Variants in CPA6 observed in about 807,000 individuals in gnomAD.
The protein encoded by CPA6 is carboxypeptidase A6, also known as carboxypeptidase B.
A neutral mutation model predicts 63.3 loss-of-function variants in CPA6; 58 were observed. That is an observed-to-expected ratio of 0.92 (90% CI 0.74 to 1.14). The LOEUF (loss-of-function observed/expected upper bound fraction) is 1.14, where lower values mean the gene tolerates loss of function less well. CPA6 is among the 50% of genes most tolerant of loss of function. The probability of loss-of-function intolerance (pLI) is 0.00; values close to 1 mark genes in which losing one functional copy is unlikely to be tolerated. For synonymous variants in CPA6, 185 were observed against 179.0 expected (o/e 1.03, Z -0.27); for missense variants, 565 against 526.6 (o/e 1.07, Z -0.71).
In CPA6 at chr8:67,555,866, A is replaced by G. The variant is rs148430571; in HGVS notation, c.193-37819T>C. On this transcript the variant is annotated intron_variant, in intron 2 of 10. Transcript: ENST00000297770. Reference sequence around the variant, plus strand: ...TGTCAGGAAAAACCATACGCATATTATATTACATTCACCCATTTTTCTGTG... The same window carrying G: ...TGTCAGGAAAAACCATACGCATATTGTATTACATTCACCCATTTTTCTGTG... Among the ~76,000 whole-genome samples the G allele has an allele frequency of 6.5e-3, 983 of 152,316 alleles. 10 individuals are homozygous for G. The highest frequency in any genetic ancestry group is 0.022 in the African/African-American group (933 of 41,568).
intron 1 of CPA6, among the ~76,000 whole-genome samples, chr8:67,711,950 C>T (rs979608629): frequency 2.0e-5 from 3 of 152,120 alleles, no homozygotes; most frequent in Admixed American, 1.3e-4. Context: ...CTTTGAGGTC[C>T]AAGCCGATCT....
At chr8:67,635,828 C>A (rs1815456592) in intron 1 of CPA6, among the ~76,000 whole-genome samples, 9 of 151,640 alleles carry the variant, frequency 5.9e-5, no homozygotes, top group Admixed American at 3.3e-4. Context: ...TTGGTATAAG[C>A]CACACATGTT....
At chr8:67,429,029 A>G (rs1809959007) in intron 9 of CPA6, among the ~76,000 whole-genome samples, 1 of 152,066 alleles carries the variant, frequency 6.6e-6, no homozygotes, top group Non-Finnish European at 1.5e-5. Context: ...CAATTAAGAA[A>G]CCCCTTAATT....
chr8:67,637,322 G>T lies in CPA6; in HGVS notation c.117-13071C>A, dbSNP rs1159489754. On this transcript the variant is annotated intron_variant, in intron 1 of 10. Transcript: ENST00000297770. ...TGCCTGAAATGGGCTTCCATTATAT[G>T]CTTTGAGAATTTCTTCTCCCATTAG... Among the ~76,000 whole-genome samples, 5 of 151,588 alleles carry T rather than the reference G, an allele frequency of 3.3e-5. 1 individual carries two copies. The highest frequency in any genetic ancestry group is 1.2e-4 in the African/African-American group (5 of 40,898).
At chr8:67,478,066 G>A (rs1021753971) in intron 8 of CPA6, among the ~76,000 whole-genome samples, 2 of 152,176 alleles carry the variant, frequency 1.3e-5, no homozygotes, top group Non-Finnish European at 2.9e-5. Flanking sequence ...CATGATGAGA[G>A]GGTTGGGACT....
At chr8:67,475,866 T>TCTTTCTTTCTTTCTC (rs1811198831) in intron 8 of CPA6, among the ~76,000 whole-genome samples, 1 of 97,662 alleles carries the variant, frequency 1.0e-5, no homozygotes, top group Non-Finnish European at 2.1e-5. Flanking sequence ...TTTCTTTCTT[T>TCTTTCTTTCTTTCTC]CTTTCTTTCT....
chr8:67,662,148 T>G (rs189179462), intron 1 of CPA6, among the ~76,000 whole-genome samples: 7 of 152,286 alleles, frequency 4.6e-5, no homozygotes, highest in African/African-American at 1.4e-4. Flanking sequence ...TCAGGATGGA[T>G]GGCATTGGAT....
At chr8:67,482,140 G>A (rs1051076922) in intron 8 of CPA6, among the ~76,000 whole-genome samples, 1 of 152,218 alleles carries the variant, frequency 6.6e-6, no homozygotes, top group Non-Finnish European at 1.5e-5. Context: ...ACAAAGGGAA[G>A]CAAGACCTTA....
rs1817953310 is a variant in CPA6, at chr8:67,743,645, T to C, written c.116+2369A>G. On this transcript the variant is annotated intron_variant, in intron 1 of 10. Transcript: ENST00000297770. ...ACCCATCCCAAGGCAATTTTTTTTT[T>C]CTGAGACACTTAAATTTACCATTTA... Among the ~76,000 whole-genome samples, 3 of 152,154 alleles carry C rather than the reference T, an allele frequency of 2.0e-5. No homozygotes were observed. In the South Asian group the frequency reaches 6.2e-4, roughly 32 times the overall value.
intron 1 of CPA6, among the ~76,000 whole-genome samples, chr8:67,678,110 C>T (rs1052725767): frequency 6.6e-6 from 1 of 151,930 alleles, no homozygotes; most frequent in African/African-American, 2.4e-5. Context: ...TGCCTGTAGT[C>T]CCAGGTACTT....
intron 1 of CPA6, among the ~76,000 whole-genome samples, chr8:67,692,139 C>T (rs1744007531): frequency 6.6e-6 from 1 of 152,080 alleles, no homozygotes; most frequent in Non-Finnish European, 1.5e-5. Flanking sequence ...GAGTTTGAGA[C>T]CAGCCTGACC....
chr8:67,733,060 G>C (rs921429550), intron 1 of CPA6, among the ~76,000 whole-genome samples: 3 of 151,780 alleles, frequency 2.0e-5, no homozygotes, highest in Non-Finnish European at 4.4e-5. Context: ...GCCAGGTGTG[G>C]TGGCGGGCAC....
At chr8:67,642,617 G>A (rs1454352975) in intron 1 of CPA6, among the ~76,000 whole-genome samples, 1 of 152,158 alleles carries the variant, frequency 6.6e-6, no homozygotes, top group Non-Finnish European at 1.5e-5. Context: ...AATTAGGACT[G>A]TGGAACTGGC....
intron 2 of CPA6, among the ~76,000 whole-genome samples, chr8:67,532,742 T>C (rs1004153318): frequency 6.6e-6 from 1 of 152,120 alleles, no homozygotes; most frequent in Non-Finnish European, 1.5e-5. Context: ...TACCAAAATA[T>C]AACCTACAAA....
chr8:67,618,665 C>T (rs1815011786), intron 2 of CPA6, among the ~76,000 whole-genome samples: 1 of 152,134 alleles, frequency 6.6e-6, no homozygotes, highest in African/African-American at 2.4e-5. Flanking sequence ...GGACAGTTTC[C>T]TATCCTACAG....
At chr8:67,424,064 A>C (rs1809830711) in intron 10 of CPA6, among the ~76,000 whole-genome samples, 1 of 152,188 alleles carries the variant, frequency 6.6e-6, no homozygotes, top group Admixed American at 6.5e-5. Flanking sequence ...TGGACAGCAC[A>C]TGCGAGGGAT....
intron 1 of CPA6, among the ~76,000 whole-genome samples, chr8:67,650,565 C>T (rs1815813348): frequency 6.6e-6 from 1 of 152,082 alleles, no homozygotes; most frequent in South Asian, 2.1e-4. Flanking sequence ...CCATGGACAT[C>T]CATGAATAAA....
At chr8:67,702,093 A>G (rs992005768) in intron 1 of CPA6, among the ~76,000 whole-genome samples, 1 of 152,158 alleles carries the variant, frequency 6.6e-6, no homozygotes, top group Non-Finnish European at 1.5e-5. Context: ...CTCCCAATAG[A>G]CAGAAAACAC....
At chr8:67,634,207 ATTATTATTATTAT>A (rs1270240451) in intron 1 of CPA6, among the ~76,000 whole-genome samples, 5 of 131,916 alleles carry the variant, frequency 3.8e-5, no homozygotes, top group East Asian at 2.2e-4. Flanking sequence ...TATTATTATT[ATTATTATTATTAT>A]TTATTTGTTT....
Sources: allele counts gnomAD v4.1 joint callset (sites outside exome capture counted in the v4.1 genomes callset), GRCh38; gene constraint gnomAD v4.1.1; transcripts MANE v1.5; gene names NCBI Gene and HGNC (gene_info 2026-07-23, HGNC 2026-07-21).